The following PPP1R12A variants were observed in gnomAD, a reference collection of about 807,000 sequenced individuals.
PPP1R12A encodes the protein myosin binding subunit.
In PPP1R12A, 19 loss-of-function variants were observed where a neutral mutation model predicts 139.6. The observed-to-expected ratio is 0.14, with a 90% CI of 0.09 to 0.20. The LOEUF is 0.20. Ranked by LOEUF, PPP1R12A falls within the 10% of genes least tolerant of loss-of-function variation. The pLI is 1.00. For missense variants in PPP1R12A, 925 were observed against 1,211.5 expected (o/e 0.76, Z 3.51); for synonymous variants, 427 against 420.6 (o/e 1.02, Z -0.19).
rs1329824036 is a variant in PPP1R12A at position 79,832,456 on chromosome 12, G to A, written c.523C>T (p.Arg175Trp). ...DIEAARKEEE[R>W]IMLRDARQWL... is the part of the protein sequence containing the mutation. ...TGCCTGGCATCTCTAAGCATGATCC[G>A]TTCTTCTTCCTTTCGAGCTGCTTCT... Residue 175 changes from arginine to tryptophan, a missense_variant, in exon 4 of 25, where the codon CGG (arginine) becomes TGG (tryptophan). By Grantham distance (101) the Arg-to-Trp change is moderately radical (BLOSUM62 -3). This residue lies in a region of PPP1R12A where 199 missense variants were observed against 352.4 expected (regional missense o/e 0.56). Transcript: ENST00000450142. The A allele has an allele frequency of 3.1e-6, 5 of 1,610,260 alleles. No individual in the cohort carries two copies. The highest frequency in any genetic ancestry group is 2.2e-5 in the South Asian group (2 of 90,164).
intron 18 of PPP1R12A, among the ~76,000 whole-genome samples, chr12:79,794,580 T>TAA (rs201224073): frequency 6.6e-6 from 1 of 151,480 alleles, no homozygotes; most frequent in Non-Finnish European, 1.5e-5. Context: ...TGTTGTTTAT[T>TAA]AAAAAAAACA....
At chr12:79,803,626 G>C (rs1873461177) in intron 14 of PPP1R12A, among the ~76,000 whole-genome samples, 1 of 152,082 alleles carries the variant, frequency 6.6e-6, no homozygotes, top group African/African-American at 2.4e-5. Context: ...AAGACAAAGA[G>C]AAGAGGCCAA....
intron 1 of PPP1R12A, among the ~76,000 whole-genome samples, chr12:79,877,666 C>T (rs1883239973): frequency 6.6e-6 from 1 of 152,152 alleles, no homozygotes; most frequent in African/African-American, 2.4e-5. Flanking sequence ...CAGGTGTGTG[C>T]CACCATGCCT....
intron 2 of PPP1R12A, among the ~76,000 whole-genome samples, chr12:79,847,099 C>T (rs955350250): frequency 6.6e-6 from 1 of 152,068 alleles, no homozygotes; most frequent in African/African-American, 2.4e-5. Flanking sequence ...CTATTATGTT[C>T]CCTCCCCCAG....
intron 3 of PPP1R12A, among the ~76,000 whole-genome samples, chr12:79,843,790 G>A (rs932657923): frequency 7.3e-5 from 11 of 150,716 alleles, no homozygotes; most frequent in Non-Finnish European, 1.0e-4. Context: ...TGCGACCTCC[G>A]CCTCCCGGGT....
chr12:79,865,594 T>G (rs1465737244), intron 2 of PPP1R12A, among the ~76,000 whole-genome samples: 1 of 152,164 alleles, frequency 6.6e-6, no homozygotes. Context: ...CCAAATCTCC[T>G]TAAACTGATA....
At chr12:79,785,847 T>C (rs1313710373) in intron 22 of PPP1R12A, among the ~76,000 whole-genome samples, 2 of 152,126 alleles carry the variant, frequency 1.3e-5, no homozygotes, top group South Asian at 2.1e-4. Context: ...TGGGAAACAA[T>C]TGCTAGATCA....
At position 79,934,840 on chromosome 12, in the gene PPP1R12A, C is replaced by A. The variant is rs1277638363; in HGVS notation, c.92G>T (p.Arg31Leu). The A allele has an allele frequency of 1.9e-6, 3 of 1,610,990 alleles. No individual in the cohort carries two copies. The highest frequency in any genetic ancestry group is 1.3e-5 in the African/African-American group (1 of 74,898). Reference sequence around the variant, plus strand: ...GTCGAACTTCACCTTGGTCTTCTGGCGCTTCACCACCGGAGGCTCGAGGTC... The same window carrying A: ...GTCGAACTTCACCTTGGTCTTCTGGAGCTTCACCACCGGAGGCTCGAGGTC... ...ETDLEPPVVK[R>L]QKTKVKFDDG... The change falls in exon 1 of 25, where the codon CGC (arginine) becomes CTC (leucine). Residue 31 changes from arginine to leucine, a missense_variant. Physicochemically the swap from Arg to Leu is moderately radical, Grantham distance 102. This residue lies in a region of PPP1R12A where 199 missense variants were observed against 352.4 expected (regional missense o/e 0.56). Transcript: ENST00000450142.
chr12:79,813,673 A>T (rs1264519059), intron 9 of PPP1R12A, among the ~76,000 whole-genome samples: 1 of 152,238 alleles, frequency 6.6e-6, no homozygotes, highest in African/African-American at 2.4e-5. Context: ...AACAATTTTA[A>T]GCACAAAATC....
chr12:79,899,435 C>T (rs576930822), intron 1 of PPP1R12A, among the ~76,000 whole-genome samples: 1 of 151,784 alleles, frequency 6.6e-6, no homozygotes, highest in East Asian at 1.9e-4. Flanking sequence ...TTTTTTCCAC[C>T]ACAATAAATG....
rs867057641 is a variant in PPP1R12A, at chr12:79,916,644, C to G, written c.237+18051G>C. Among the ~76,000 whole-genome samples, 6 of 152,096 alleles carry G rather than the reference C, an allele frequency of 3.9e-5. No individual in the cohort carries two copies. In the South Asian group the frequency reaches 8.3e-4, roughly 21 times the overall value. ...AGCTACAAAATACATCTAACCATATCCAGAATTCCATTATTTGCTTAGAAT... is the reference window on the plus strand; with the variant it reads ...AGCTACAAAATACATCTAACCATATGCAGAATTCCATTATTTGCTTAGAAT... On this transcript the variant is annotated intron_variant, in intron 1 of 24. Coordinates refer to ENST00000450142, the MANE Select transcript of PPP1R12A (RefSeq NM_002480.3).
chr12:79,854,738 C>A (rs1279027936), intron 2 of PPP1R12A, among the ~76,000 whole-genome samples: 1 of 151,982 alleles, frequency 6.6e-6, no homozygotes, highest in African/African-American at 2.4e-5. Context: ...CAGGTGCAAT[C>A]ATAGTTTACT....
In PPP1R12A at chr12:79,883,940, C is replaced by T. The variant is rs77506688; in HGVS notation, c.238-11002G>A. Among the ~76,000 whole-genome samples, 102 of 152,152 alleles carry T rather than the reference C, an allele frequency of 6.7e-4. No homozygotes were observed. In the East Asian group the frequency reaches 6.7e-3, roughly 10 times the overall value. ...GAATATGGTAAGACAATTTCAGACA[C>T]GTCCACTGGTTTTTATGAGAGCTGA... On this transcript the variant is annotated intron_variant, in intron 1 of 24. Coordinates refer to ENST00000450142, the MANE Select transcript of PPP1R12A (RefSeq NM_002480.3).
chr12:79,935,329 C>T (rs1411542634), upstream of PPP1R12A: 1 of 1,029,606 alleles, frequency 9.7e-7, no homozygotes, highest in Non-Finnish European at 1.2e-6. Flanking sequence ...GGGTGTGGCC[C>T]AGGCAGCGGG....
In PPP1R12A at chr12:79,816,190, T is replaced by G. The variant is rs78381087; in HGVS notation, c.1239+1204A>C. ...AACTAAACACAATGTACAATCCAAG[T>G]GGACCCCTGATTTTAAAAAACAAAC... On this transcript the variant is annotated intron_variant, in intron 9 of 24. Transcript: ENST00000450142. Among the ~76,000 whole-genome samples, 35 of 152,192 alleles carry G rather than the reference T, an allele frequency of 2.3e-4. 1 individual carries two copies. In the East Asian group the frequency reaches 6.8e-3, roughly 29 times the overall value.
At chr12:79,800,243 G>GT (rs1352225010) in intron 14 of PPP1R12A, among the ~76,000 whole-genome samples, 2 of 152,094 alleles carry the variant, frequency 1.3e-5, no homozygotes, top group East Asian at 3.9e-4. Flanking sequence ...GTTACACCAA[G>GT]TGTGCCTGCC....
At chr12:79,860,607 T>C (rs1473519963) in intron 2 of PPP1R12A, among the ~76,000 whole-genome samples, 1 of 152,198 alleles carries the variant, frequency 6.6e-6, no homozygotes, top group African/African-American at 2.4e-5. Context: ...ATTAGCAAAC[T>C]AGAAGATAGT....
At chr12:79,851,829 T>G (rs1371282309) in intron 2 of PPP1R12A, among the ~76,000 whole-genome samples, 1 of 152,216 alleles carries the variant, frequency 6.6e-6, no homozygotes, top group Non-Finnish European at 1.5e-5. Context: ...ATTTTCTCTC[T>G]GCTGTTCAGA....
intron 1 of PPP1R12A, among the ~76,000 whole-genome samples, chr12:79,932,386 CAA>C (rs1888317478): frequency 6.6e-6 from 1 of 151,950 alleles, no homozygotes; most frequent in African/African-American, 2.4e-5. Flanking sequence ...GAAAAAAGTA[CAA>C]GAGTTGATAA....
Sources: gnomAD v4.1 joint callset for allele counts (sites outside exome capture counted in the v4.1 genomes callset) on GRCh38, gnomAD v4.1.1 for gene constraint, gnomAD v4.1.1 regional missense constraint, MANE v1.5 for transcripts, NCBI Gene and HGNC (gene_info 2026-07-23, HGNC 2026-07-21) for gene names.